LHCGR: variants seen among roughly 807,000 people sequenced by gnomAD.
The protein encoded by LHCGR is lutropin-choriogonadotropic hormone receptor.
A neutral mutation model predicts 60.7 loss-of-function variants in LHCGR; 55 were observed. The observed-to-expected ratio is 0.91, with a 90% confidence interval of 0.73 to 1.13. The LOEUF is 1.13. Among genes scored for constraint, LHCGR ranks in the 50% most tolerant of loss-of-function variants. The pLI, the probability that LHCGR is intolerant of heterozygous loss-of-function variation, is 0.00. For synonymous variants in LHCGR, 337 were observed against 316.5 expected (o/e 1.06, Z -0.69); for missense variants, 862 against 836.0 (o/e 1.03, Z -0.38).
At chr2:48,703,935 G>C (rs1372660550) in intron 8 of LHCGR, among the ~76,000 whole-genome samples, 1 of 152,184 alleles carries the variant, frequency 6.6e-6, no homozygotes, top group East Asian at 1.9e-4. Flanking sequence ...TTGAATAGGA[G>C]TGGTGAGAGA....
intron 10 of LHCGR, among the ~76,000 whole-genome samples, chr2:48,691,673 C>T (rs1156256905): frequency 6.6e-6 from 1 of 152,068 alleles, no homozygotes; most frequent in Non-Finnish European, 1.5e-5. Flanking sequence ...TGGCAAAACC[C>T]TGTCTCTACT....
chr2:48,735,481 C>T (rs761135416), intron 1 of LHCGR, among the ~76,000 whole-genome samples: 13 of 152,154 alleles, frequency 8.5e-5, no homozygotes, highest in Non-Finnish European at 1.5e-4. Context: ...TAGTTCCTGC[C>T]TTCTCTTTTT....
At chr2:48,699,015 G>C (rs577760380) in intron 8 of LHCGR, among the ~76,000 whole-genome samples, 42 of 152,068 alleles carry the variant, frequency 2.8e-4, no homozygotes, top group African/African-American at 9.6e-4. Context: ...CTAAGAGACC[G>C]GGGTTTCACC....
intron 1 of LHCGR, among the ~76,000 whole-genome samples, chr2:48,749,083 C>T (rs956304596): frequency 1.3e-5 from 2 of 152,200 alleles, no homozygotes; most frequent in Non-Finnish European, 2.9e-5. Flanking sequence ...GTAACAGCAG[C>T]AAGGAATTAA....
At chr2:48,694,583 G>T (rs1293126346) in intron 9 of LHCGR, among the ~76,000 whole-genome samples, 1 of 152,070 alleles carries the variant, frequency 6.6e-6, no homozygotes, top group African/African-American at 2.4e-5. Flanking sequence ...TTGAATCAAG[G>T]ATTTTCCAAT....
chr2:48,701,126 G>A (rs554370262), intron 8 of LHCGR, among the ~76,000 whole-genome samples: 1 of 151,838 alleles, frequency 6.6e-6, no homozygotes, highest in African/African-American at 2.4e-5. Flanking sequence ...AGAGAGTGAG[G>A]GGCTGAGGGG....
intron 6 of LHCGR, among the ~76,000 whole-genome samples, chr2:48,714,742 C>T (rs62135393): frequency 1.6e-4 from 24 of 151,790 alleles, no homozygotes; most frequent in Non-Finnish European, 2.8e-4. Context: ...CCTATAAATA[C>T]ACACACACAC....
chr2:48,745,590 G>A (rs944945441), intron 1 of LHCGR, among the ~76,000 whole-genome samples: 7 of 150,432 alleles, frequency 4.7e-5, no homozygotes, highest in Admixed American at 6.6e-5. Flanking sequence ...GTAAACTATC[G>A]CAAGAACAAA....
intron 8 of LHCGR, among the ~76,000 whole-genome samples, chr2:48,700,333 G>C (rs1328800014): frequency 6.6e-6 from 1 of 152,192 alleles, no homozygotes; most frequent in African/African-American, 2.4e-5. Flanking sequence ...TAACAGACTA[G>C]TGGGAGAAAT....
intron 1 of LHCGR, among the ~76,000 whole-genome samples, chr2:48,754,936 A>G (rs1349734098): frequency 6.7e-6 from 1 of 150,286 alleles, no homozygotes; most frequent in Non-Finnish European, 1.5e-5. Context: ...CCTTTGGTCC[A>G]TTAGACCATG....
rs746447367 is a variant in LHCGR at position 48,732,883 on chromosome 2, A to G, written c.162-1585T>C. 21 of 534,422 alleles carry G rather than the reference A, an allele frequency of 3.9e-5. No homozygotes were observed. The East Asian group carries it at 8.2e-4, about 21-fold the overall frequency. The allele number at this position is 534,422 out of a possible 1,614,324, so 33.1% of individuals were successfully genotyped here. A position where few individuals can be genotyped will look rare whatever the true frequency, so the allele number is the denominator to read the frequency against. ...TAATCCAACTTTGGTCTCTGATTCT[A>G]TTCCCGAAGGCATTCCCAAGAAGGA... On this transcript the variant is annotated intron_variant, in intron 1 of 10. Transcript: ENST00000294954.
chr2:48,706,489 A>T (rs1185677939), intron 8 of LHCGR, among the ~76,000 whole-genome samples: 1 of 152,128 alleles, frequency 6.6e-6, no homozygotes, highest in Non-Finnish European at 1.5e-5. Flanking sequence ...AGTGTTTTCT[A>T]ACTTGGTTCC....
intron 2 of LHCGR, 34 bp downstream of exon 2, chr2:48,731,193 A>C: frequency 7.2e-7 from 1 of 1,395,476 alleles, no homozygotes; most frequent in Non-Finnish European, 1.0e-6. Flanking sequence ...TATTCCAATT[A>C]CGAATGTCTT....
intron 1 of LHCGR, among the ~76,000 whole-genome samples, chr2:48,739,337 A>T (rs1669332152): frequency 6.6e-6 from 1 of 152,230 alleles, no homozygotes; most frequent in Non-Finnish European, 1.5e-5. Flanking sequence ...ATTATAAAAC[A>T]TGCTGCTATA....
At chr2:48,732,945 C>A (rs375468988) in intron 1 of LHCGR, 6 of 534,248 alleles carry the variant, frequency 1.1e-5, no homozygotes, top group Non-Finnish European at 2.3e-5. Flanking sequence ...ACAAAGGATC[C>A]GAGAAGAACA....
Position 48,697,053 on chromosome 2 carries a change from G to A in LHCGR, c.866+1562C>T, listed in dbSNP as rs562167265. 6.6e-5 allele frequency among the ~76,000 whole-genome samples: 10 copies of A among 152,204 alleles called. No homozygotes were observed. In the South Asian group the frequency reaches 2.1e-3, roughly 32 times the overall value. ...ATGGCTCCCCATCCTCTAAACAACC[G>A]GGCCTGGCACTCAGACCATCATGGC... On this transcript the variant is annotated intron_variant, in intron 9 of 10. Transcript: ENST00000294954.
intron 8 of LHCGR, among the ~76,000 whole-genome samples, chr2:48,705,478 T>C (rs1248184300): frequency 1.3e-5 from 2 of 152,230 alleles, no homozygotes; most frequent in Non-Finnish European, 2.9e-5. Flanking sequence ...CTGCCTAGTA[T>C]TGACAGTTGG....
intron 8 of LHCGR, among the ~76,000 whole-genome samples, chr2:48,705,490 T>C (rs1466887514): frequency 1.3e-5 from 2 of 152,214 alleles, no homozygotes; most frequent in African/African-American, 4.8e-5. Context: ...GACAGTTGGA[T>C]GTTAAAGTCT....
At chr2:48,732,328 G>A (rs901528281) in intron 1 of LHCGR, among the ~76,000 whole-genome samples, 5 of 152,220 alleles carry the variant, frequency 3.3e-5, no homozygotes, top group Non-Finnish European at 5.9e-5. Context: ...AAAGGTGAAA[G>A]ATGCTGTCTT....
Sources: allele counts gnomAD v4.1 joint callset (sites outside exome capture counted in the v4.1 genomes callset), GRCh38; gene constraint gnomAD v4.1.1; transcripts MANE v1.5; gene names NCBI Gene and HGNC (gene_info 2026-07-23, HGNC 2026-07-21).